The following GREB1 variants were observed in gnomAD, a reference collection of about 807,000 sequenced individuals.
The protein encoded by GREB1 is protein GREB1.
Under a neutral mutation model 200.7 loss-of-function variants are expected in GREB1, and 106 were observed. The observed-to-expected ratio is 0.53, with a 90% CI of 0.45 to 0.62. The LOEUF (loss-of-function observed/expected upper bound fraction) is 0.62, where lower values mean the gene tolerates loss of function less well. Among genes scored for constraint, GREB1 ranks in the 20% least tolerant of loss-of-function variants. The pLI is 0.00. For missense variants in GREB1, 2,243 were observed against 2,556.8 expected, an observed-to-expected ratio of 0.88 and a Z score of 2.65; for synonymous variants, 1,132 against 1,092.4, an observed-to-expected ratio of 1.04 and a Z score of -0.72.
intron 1 of GREB1, among the ~76,000 whole-genome samples, chr2:11,550,254 T>C (rs1228373660): frequency 1.3e-5 from 2 of 152,152 alleles, no homozygotes; most frequent in Non-Finnish European, 2.9e-5. Context: ...AAAAGAAAGC[T>C]GCTGGTTGAC....
At chr2:11,584,215 T>C (rs1192216598) in intron 7 of GREB1, among the ~76,000 whole-genome samples, 1 of 152,134 alleles carries the variant, frequency 6.6e-6, no homozygotes, top group Non-Finnish European at 1.5e-5. Context: ...TCTCTGCATG[T>C]AGGGGAAATT....
chr2:11,641,525 A>C lies in GREB1; in HGVS notation c.*1071A>C, dbSNP rs183724524. ...TTTTGAGATGGACTCTAGCTCTGTCACCCAGGCTGGAGTGCAGTGGTGCGA... is the reference window on the plus strand; with the variant it reads ...TTTTGAGATGGACTCTAGCTCTGTCCCCCAGGCTGGAGTGCAGTGGTGCGA... On this transcript the variant is annotated 3_prime_UTR_variant, in exon 33 of 33. Coordinates refer to ENST00000381486, the MANE Select transcript of GREB1 (RefSeq NM_014668.4). 1 of 141,934 alleles carries C rather than the reference A, an allele frequency of 7.0e-6. No individual in the cohort carries two copies. The highest frequency in any genetic ancestry group is 2.1e-4 in the East Asian group (1 of 4,874). The allele number at this position is 141,934 out of a possible 1,614,324, so 8.8% of individuals were successfully genotyped here.
At chr2:11,576,605 G>A in intron 5 of GREB1, 70 bp downstream of exon 5, 1 of 1,218,710 alleles carries the variant, frequency 8.2e-7, no homozygotes, top group South Asian at 1.4e-5. Context: ...GCCTGTCGGT[G>A]TGATGCTGGG....
intron 17 of GREB1, 104 bp from the exon 18 acceptor site, chr2:11,610,584 G>A: frequency 3.7e-6 from 3 of 818,300 alleles, no homozygotes; most frequent in Non-Finnish European, 4.0e-6. Context: ...TGCGTATAAT[G>A]CCGGAGTTGC....
rs752373264 is a variant in GREB1 at position 11,618,304 on chromosome 2, C to T, written c.3429C>T (p.Gly1143=). ...SSKASGSALG[G]ESSAQPTALP... ...TCTCCTCAGGTTCAGCGCTCGGTGG[C>T]GAGTCCTCGGCTCAGCCCACAGCAC... The change falls in exon 22 of 33, where the codon GGC becomes GGT. Residue 1143 remains glycine (G), a synonymous_variant. Coordinates refer to ENST00000381486, the MANE Select transcript of GREB1 (RefSeq NM_014668.4). 39 of 1,564,950 alleles carry T rather than the reference C, an allele frequency of 2.5e-5. No homozygotes were observed. In the East Asian group the frequency reaches 2.9e-4, roughly 12 times the overall value.
chr2:11,595,123 C>G, intron 11 of GREB1, 128 bp from the exon 12 acceptor site: 2 of 777,982 alleles, frequency 2.6e-6, no homozygotes, highest in Non-Finnish European at 4.1e-6. Flanking sequence ...GGAGGTAGAT[C>G]CAGCTGTTAG....
intron 1 of GREB1, among the ~76,000 whole-genome samples, chr2:11,541,058 C>T (rs1674698184): frequency 6.6e-6 from 1 of 152,086 alleles, no homozygotes; most frequent in Admixed American, 6.6e-5. Flanking sequence ...GAGCATGGGT[C>T]AGTGATGTCT....
At position 11,576,452 on chromosome 2, in the gene GREB1, A is replaced by G. The variant is rs1678866350; in HGVS notation, c.554A>G (p.Lys185Arg). 1.2e-6 allele frequency: 2 copies of G among 1,613,960 alleles called. No homozygotes were observed. The highest frequency in any genetic ancestry group is 8.5e-7 in the Non-Finnish European group (1 of 1,179,884). The change falls in exon 5 of 33, where the codon AAG (lysine) becomes AGG (arginine). Residue 185 changes from lysine (K) to arginine (R), a missense_variant. Lys to Arg is a conservative substitution (Grantham distance 26). Around this residue, in one of 3 missense-constraint regions of GREB1, gnomAD observed 1,178 missense variants for 1,387.4 expected, o/e 0.85. Coordinates refer to ENST00000381486, the MANE Select transcript of GREB1 (RefSeq NM_014668.4). ...INLKLTTQPK[K>R]QKHLKYYLVR... is the part of the protein sequence containing the mutation. ...CTGAAACTGACCACTCAACCCAAGAAGCAGAAACACTTGAAGTATTACCTG... is the reference window on the plus strand; with the variant it reads ...CTGAAACTGACCACTCAACCCAAGAGGCAGAAACACTTGAAGTATTACCTG...
chr2:11,622,933 A>C (rs1684127348), intron 23 of GREB1, among the ~76,000 whole-genome samples: 1 of 152,266 alleles, frequency 6.6e-6, no homozygotes, highest in South Asian at 2.1e-4. Context: ...CTGAATGCAC[A>C]TTCTTGCCTC....
At chr2:11,520,536 C>A (rs988663072) in intron 1 of GREB1, among the ~76,000 whole-genome samples, 19 of 152,216 alleles carry the variant, frequency 1.2e-4, no homozygotes, top group African/African-American at 4.1e-4. Context: ...TTGGCTGGAG[C>A]TTCCTTTCTT....
chr2:11,595,630 T>A (rs1681142145), intron 12 of GREB1, among the ~76,000 whole-genome samples: 1 of 152,128 alleles, frequency 6.6e-6, no homozygotes, highest in South Asian at 2.1e-4. Flanking sequence ...CCTTGTGGGT[T>A]CTTCTTCATG....
intron 9 of GREB1, among the ~76,000 whole-genome samples, chr2:11,586,476 G>T (rs987272350): frequency 6.6e-6 from 1 of 152,210 alleles, no homozygotes; most frequent in Non-Finnish European, 1.5e-5. Flanking sequence ...CTCAGCTGAA[G>T]AAATCTCTTT....
rs770807707 is a variant in GREB1, at chr2:11,618,278, C to T, written c.3413-10C>T. ...CTAGGACGTCCCTGACCATGTTCGT[C>T]TCTCCTCAGGTTCAGCGCTCGGTGG... On this transcript the variant is annotated splice_polypyrimidine_tract_variant and intron_variant, in intron 21 of 32. Transcript: ENST00000381486. 2.0e-6 allele frequency: 3 copies of T among 1,470,028 alleles called. No homozygotes were observed. 91.1% of individuals were successfully genotyped at this position (1,470,028 alleles called of 1,614,324 possible). A position where few individuals can be genotyped will look rare whatever the true frequency, so the allele number is the denominator to read the frequency against.
chr2:11,605,024 C>A (rs1371548055), intron 17 of GREB1, among the ~76,000 whole-genome samples: 2 of 151,630 alleles, frequency 1.3e-5, no homozygotes, highest in African/African-American at 4.8e-5. Context: ...GAACTTTTTT[C>A]CTTTAGTACC....
At chr2:11,605,144 C>CT (rs3035991) in intron 17 of GREB1, among the ~76,000 whole-genome samples, 3,199 of 44,674 alleles carry the variant, frequency 0.072, 500 homozygotes, top group Non-Finnish European at 0.11. Context: ...GAGCCTGCTT[C>CT]TTTTTTTTTT....
intron 2 of GREB1, 129 bp from the exon 3 acceptor site, chr2:11,562,334 C>T: frequency 8.5e-7 from 1 of 1,179,844 alleles, no homozygotes; most frequent in Non-Finnish European, 1.2e-6. Context: ...TGGGTGGAAC[C>T]CATTCTGGAT....
At chr2:11,546,092 G>A (rs1169273824) in intron 1 of GREB1, among the ~76,000 whole-genome samples, 3 of 152,076 alleles carry the variant, frequency 2.0e-5, no homozygotes, top group African/African-American at 7.2e-5. Context: ...GAGGAGAATC[G>A]TTTGAACCCA....
rs529717685 is a variant in GREB1 at position 11,511,339 on chromosome 2, G to A, written c.-159+28958G>A. 1.7e-3 allele frequency among the ~76,000 whole-genome samples: 255 copies of A among 152,210 alleles called. 1 individual carries two copies. Among genetic ancestry groups the A allele is most frequent in the African/African-American group, 5.9e-3 (246 of 41,530 alleles). ...GAAGTTACATTTTTCCCCAGATTGC[G>A]TAGCCAGGAAAGGCAGAACTAGGAA... On this transcript the variant is annotated intron_variant, in intron 1 of 2. Coordinates refer to the GREB1 transcript ENST00000628795.
chr2:11,504,615 A>G (rs1469596024), intron 1 of GREB1, among the ~76,000 whole-genome samples: 4 of 152,156 alleles, frequency 2.6e-5, no homozygotes. Context: ...CATTTTGCAT[A>G]TTTGTGTGTG....
Sources: allele counts gnomAD v4.1 joint callset (sites outside exome capture counted in the v4.1 genomes callset), GRCh38; gene constraint gnomAD v4.1.1; regional missense constraint gnomAD v4.1.1; transcripts MANE v1.5; gene names NCBI Gene and HGNC (gene_info 2026-07-23, HGNC 2026-07-21).